EYS: variants seen among roughly 807,000 people sequenced by gnomAD.
EYS encodes protein eyes shut homolog.
In EYS, 250 loss-of-function variants were observed where a neutral mutation model predicts 282.1. That is an observed-to-expected ratio of 0.89 (90% confidence interval 0.80 to 0.98). EYS has a LOEUF of 0.98. Ranked by LOEUF, EYS falls within the 50% of genes least tolerant of loss-of-function variation. EYS has a pLI of 0.00. For missense variants in EYS, 4,016 were observed against 3,709.0 expected (o/e 1.08, Z -2.15); for synonymous variants, 1,355 against 1,282.9 (o/e 1.06, Z -1.20).
At chr6:65,684,857 T>G in intron 1 of EYS, among the ~76,000 whole-genome samples, 1 of 152,124 alleles carries the variant, frequency 6.6e-6, no homozygotes, top group East Asian at 1.9e-4. Context: ...TCTCTTCTTT[T>G]GTTTTTCTTT....
At chr6:64,604,400 C>A (rs148592908) in intron 24 of EYS, among the ~76,000 whole-genome samples, 1 of 151,850 alleles carries the variant, frequency 6.6e-6, no homozygotes, top group Non-Finnish European at 1.5e-5. Context: ...AAATCAAAGA[C>A]CATGAATAAA....
At chr6:63,722,561 G>T (rs1768442035) in intron 42 of EYS, among the ~76,000 whole-genome samples, 1 of 152,138 alleles carries the variant, frequency 6.6e-6, no homozygotes, top group Admixed American at 6.6e-5. Flanking sequence ...CTGCAAGCTT[G>T]GAAAAAGCAT....
At chr6:64,307,163 A>T (rs1451095444) in intron 29 of EYS, 81 bp from the exon 30 acceptor site, 36 of 708,438 alleles carry the variant, frequency 5.1e-5, no homozygotes, top group Admixed American at 8.3e-5. Context: ...CAAACTGGTC[A>T]GGGTATGCAA....
chr6:64,053,834 A>T (rs1167947175), intron 33 of EYS, among the ~76,000 whole-genome samples: 1 of 152,066 alleles, frequency 6.6e-6, no homozygotes, highest in East Asian at 1.9e-4. Flanking sequence ...TAGAGTTCTC[A>T]TTAGGTTTGA....
intron 11 of EYS, chr6:65,330,444 G>A (rs1226925820): frequency 1.0e-6 from 1 of 983,946 alleles, no homozygotes; most frequent in Admixed American, 6.2e-5. Flanking sequence ...ATCTTTCCTG[G>A]TCTTAAGTAA....
intron 29 of EYS, among the ~76,000 whole-genome samples, chr6:64,334,489 C>T (rs1157349767): frequency 2.0e-5 from 3 of 152,024 alleles, no homozygotes; most frequent in South Asian, 4.1e-4. Flanking sequence ...TAATGAATGG[C>T]CCCCTGAAAG....
chr6:65,339,079 A>T (rs1172935945), intron 10 of EYS, among the ~76,000 whole-genome samples: 1 of 151,254 alleles, frequency 6.6e-6, no homozygotes, highest in African/African-American at 2.4e-5. Flanking sequence ...TTATCTTGCC[A>T]TTTTGACCCT....
chr6:65,443,724 A>G (rs1337501240), intron 5 of EYS, among the ~76,000 whole-genome samples: 1 of 54,736 alleles, frequency 1.8e-5, no homozygotes, highest in Non-Finnish European at 4.3e-5. Flanking sequence ...ACATATATAC[A>G]CATACGTGCA....
intron 22 of EYS, among the ~76,000 whole-genome samples, chr6:64,744,511 T>C (rs1415562747): frequency 6.6e-6 from 1 of 152,172 alleles, no homozygotes; most frequent in Non-Finnish European, 1.5e-5. Flanking sequence ...ACAGTTTCAA[T>C]GTCTATACGC....
At chr6:65,415,870 A>G (rs530208387) in intron 5 of EYS, among the ~76,000 whole-genome samples, 89 of 152,200 alleles carry the variant, frequency 5.8e-4, no homozygotes, top group African/African-American at 2.1e-3. Context: ...GGCAGTGTCT[A>G]CGAACTCCTT....
At chr6:63,935,751 G>A (rs575459238) in intron 35 of EYS, among the ~76,000 whole-genome samples, 2 of 152,286 alleles carry the variant, frequency 1.3e-5, no homozygotes, top group South Asian at 2.1e-4. Context: ...CATCCAGTCT[G>A]TGGTATTTTT....
rs1016126628 is a variant in EYS at position 64,590,299 on chromosome 6, C to T, written c.5568G>A (p.Arg1856=). The change falls in exon 26 of 43, where the codon CGG becomes CGA. Residue 1856 remains arginine (R), a synonymous_variant. Transcript: ENST00000503581. ...VQYQEFPTAS[R]HLPFTRSLTL... The stretch of plus-strand genomic sequence containing the variant: ...TAAGAGATCTAGTGAAGGGAAGATG[C>T]CGGCTTGCAGTGGGAAATTCCTGAT... 3 of 1,551,106 alleles carry T rather than the reference C, an allele frequency of 1.9e-6. No individual in the cohort carries two copies. Among genetic ancestry groups the T allele is most frequent in the Admixed American group, 3.9e-5 (2 of 50,970 alleles).
At chr6:65,310,506 A>G (rs1228248289) in intron 11 of EYS, among the ~76,000 whole-genome samples, 1 of 151,180 alleles carries the variant, frequency 6.6e-6, no homozygotes, top group Non-Finnish European at 1.5e-5. Flanking sequence ...TGTTTGACTA[A>G]CCCTGGTTAG....
At chr6:63,807,102 C>G (rs527678194) in intron 36 of EYS, among the ~76,000 whole-genome samples, 1 of 152,240 alleles carries the variant, frequency 6.6e-6, no homozygotes, top group African/African-American at 2.4e-5. Flanking sequence ...CTTCTTGTAT[C>G]GAACTCTTCT....
Position 64,230,795 on chromosome 6 carries a change from G to A in EYS, c.6221C>T (p.Ala2074Val), listed in dbSNP as rs1450242482. Residue 2074 changes from alanine (A) to valine (V), a missense_variant, in exon 31 of 43, where the codon GCC becomes GTC. Physicochemically the swap from Ala to Val is moderately conservative, Grantham distance 64 (BLOSUM62 0). Coordinates refer to ENST00000503581, the MANE Select transcript of EYS (RefSeq NM_001142800.2). ...CACATCAGAAGCATCAACAAAGGAG[G>A]CTGTTGGAGACAGCATAAATCCCTG... ...RSQGFMLSPT[A>V]SFVDASDVTQ... 3.9e-6 allele frequency: 6 copies of A among 1,550,518 alleles called. No homozygotes were observed. The South Asian group carries it at 7.1e-5, about 18-fold the overall frequency.
At chr6:64,542,193 T>C (rs1339924742) in intron 26 of EYS, among the ~76,000 whole-genome samples, 2 of 152,042 alleles carry the variant, frequency 1.3e-5, no homozygotes, top group Non-Finnish European at 2.9e-5. Context: ...GAAAGAAAAA[T>C]AGCTGTCTCA....
chr6:64,586,163 T>C (rs1246139660), intron 26 of EYS, among the ~76,000 whole-genome samples: 1 of 152,072 alleles, frequency 6.6e-6, no homozygotes, highest in Non-Finnish European at 1.5e-5. Flanking sequence ...ATGTAATTAG[T>C]GTCTGATAAC....
chr6:64,099,814 GAGGACAACTGGCACACTA>G (rs1772764208), intron 31 of EYS, among the ~76,000 whole-genome samples: 1 of 152,088 alleles, frequency 6.6e-6, no homozygotes, highest in African/African-American at 2.4e-5. Flanking sequence ...GGAGCATGCT[GAGGACAACTGGCACACTA>G]AGAATAACAT....
intron 36 of EYS, among the ~76,000 whole-genome samples, chr6:63,860,850 A>G (rs450855): frequency 0.5 from 75,521 of 151,996 alleles, 20,315 homozygotes; most frequent in Non-Finnish European, 0.6. Context: ...CCTCTACCAG[A>G]TATCTAAATA....
Sources: gnomAD v4.1 joint callset for allele counts (sites outside exome capture counted in the v4.1 genomes callset) on GRCh38, gnomAD v4.1.1 for gene constraint, MANE v1.5 for transcripts, NCBI Gene and HGNC (gene_info 2026-07-23, HGNC 2026-07-21) for gene names.